ZFP1: variants seen among roughly 807,000 people sequenced by gnomAD.
The protein encoded by ZFP1 is zinc finger protein 1 homolog.
A neutral mutation model predicts 38.5 loss-of-function variants in ZFP1; 32 were observed. The ratio of observed to expected loss-of-function variants is 0.83; its 90% CI spans 0.63 to 1.12. The LOEUF (loss-of-function observed/expected upper bound fraction) is 1.12, where lower values mean the gene tolerates loss of function less well. Ranked by LOEUF, ZFP1 falls within the 50% of genes most tolerant of loss-of-function variation. The probability of loss-of-function intolerance (pLI) is 0.00; values close to 1 mark genes in which losing one functional copy is unlikely to be tolerated. For synonymous variants in ZFP1, 245 were observed against 168.8 expected (o/e 1.45, Z -3.50); for missense variants, 616 against 480.8 (o/e 1.28, Z -2.63).
intron 3 of ZFP1, among the ~76,000 whole-genome samples, chr16:75,167,392 T>G (rs2038151952): frequency 8.3e-6 from 1 of 120,336 alleles, no homozygotes; most frequent in African/African-American, 4.4e-5. Flanking sequence ...CTCTCCCTGC[T>G]TACCTTTTTT....
chr16:75,167,929 A>G (rs1175160803), intron 3 of ZFP1, among the ~76,000 whole-genome samples: 1 of 152,112 alleles, frequency 6.6e-6, no homozygotes, highest in Non-Finnish European at 1.5e-5. Flanking sequence ...ACCCCTCTCT[A>G]CTAAAAATAC....
the ZFP1 span, among the ~76,000 whole-genome samples, chr16:75,128,436 C>G: frequency 6.6e-6 from 1 of 152,296 alleles, no homozygotes; most frequent in East Asian, 1.9e-4. Context: ...TACAATAAAG[C>G]AAACCAGTCC....
intron 2 of ZFP1, among the ~76,000 whole-genome samples, chr16:75,154,011 G>C (rs997572081): frequency 2.0e-5 from 3 of 152,096 alleles, no homozygotes; most frequent in Non-Finnish European, 2.9e-5. Context: ...GTTTCTCCAA[G>C]TTCAAGACAA....
intron 1 of ZFP1, among the ~76,000 whole-genome samples, chr16:75,151,975 A>G (rs916938583): frequency 1.3e-5 from 2 of 152,142 alleles, no homozygotes; most frequent in Admixed American, 1.3e-4. Flanking sequence ...CTGAGTTAAT[A>G]GTTTTTTGCT....
chr16:75,167,239 A>T (rs985100614), intron 3 of ZFP1, among the ~76,000 whole-genome samples: 1 of 152,220 alleles, frequency 6.6e-6, no homozygotes, highest in Non-Finnish European at 1.5e-5. Flanking sequence ...AAGCCAGTGG[A>T]ATTAGTATCC....
chr16:75,137,656 C>T, the ZFP1 span, among the ~76,000 whole-genome samples: 3 of 151,592 alleles, frequency 2.0e-5, no homozygotes, highest in Non-Finnish European at 2.9e-5. Context: ...TTAGTAGAGA[C>T]GGGGTTTCAC....
intron 3 of ZFP1, among the ~76,000 whole-genome samples, chr16:75,167,219 G>A (rs1483010062): frequency 2.0e-5 from 3 of 152,180 alleles, no homozygotes; most frequent in African/African-American, 7.2e-5. Context: ...CGGGAGAGAG[G>A]GAGAAGCAGA....
chr16:75,146,090 C>T (rs559776731), upstream of ZFP1, among the ~76,000 whole-genome samples: 1 of 152,160 alleles, frequency 6.6e-6, no homozygotes, highest in Non-Finnish European at 1.5e-5. Flanking sequence ...CACGACAAGT[C>T]CCGCGAAGGG....
intron 2 of ZFP1, among the ~76,000 whole-genome samples, chr16:75,160,941 A>G (rs1444761854): frequency 1.3e-5 from 2 of 152,198 alleles, no homozygotes; most frequent in African/African-American, 2.4e-5. Context: ...CACACCTCCC[A>G]ATACTTAATT....
intron 2 of ZFP1, among the ~76,000 whole-genome samples, chr16:75,165,110 A>C (rs765965804): frequency 2.0e-5 from 3 of 151,940 alleles, no homozygotes; most frequent in African/African-American, 4.8e-5. Context: ...CGGCCTCCAT[A>C]AATCGAGTTT....
the ZFP1 span, among the ~76,000 whole-genome samples, chr16:75,141,432 C>A: frequency 1.3e-5 from 2 of 151,834 alleles, no homozygotes; most frequent in Non-Finnish European, 2.9e-5. Context: ...GTCTCGATCT[C>A]CTGAACTTGT....
the ZFP1 span, among the ~76,000 whole-genome samples, chr16:75,131,400 T>C: frequency 2.0e-5 from 3 of 152,134 alleles, no homozygotes; most frequent in East Asian, 1.9e-4. Context: ...CTCAGGACCA[T>C]CCTGGAGTGA....
chr16:75,170,193 CAGCCAGAGGTCAACTCT>C lies in ZFP1; in HGVS notation c.1084_1100del (p.Ser362Ter). On this transcript the variant is annotated frameshift_variant, in exon 4 of 4. Coordinates refer to ENST00000570010, the MANE Select transcript of ZFP1 (RefSeq NM_153688.4). LOFTEE classifies it high-confidence loss of function. ...AATGTACTGAGTGCGGCAAAACTTT[CAGCCAGAGGTCAACTCT>C]TAGATTACACTTGCGAATCCACACA... The C allele has an allele frequency of 6.2e-7, 1 of 1,614,148 alleles. No homozygotes were observed. The highest frequency in any genetic ancestry group is 8.5e-7 in the Non-Finnish European group (1 of 1,180,012).
At position 75,171,216 on chromosome 16, in the gene ZFP1, G is replaced by A. The variant is rs2038410871; in HGVS notation, c.*882G>A. 1 of 152,126 alleles carries A rather than the reference G, an allele frequency of 6.6e-6. No individual in the cohort carries two copies. Among genetic ancestry groups the A allele is most frequent in the Non-Finnish European group, 1.5e-5 (1 of 68,010 alleles). 9.4% of individuals were successfully genotyped at this position (152,126 alleles called of 1,614,324 possible). The stretch of plus-strand genomic sequence containing the variant: ...TGTGTAACACAGACAGAAACCACCT[G>A]TTTTTGTCTTTCCTTGTTTCCCTTA... On this transcript the variant is annotated 3_prime_UTR_variant, in exon 4 of 4. Coordinates refer to ENST00000570010, the MANE Select transcript of ZFP1 (RefSeq NM_153688.4).
At chr16:75,132,951 G>A in the ZFP1 span, among the ~76,000 whole-genome samples, 4,854 of 149,922 alleles carry the variant, frequency 0.032, 105 homozygotes, top group Non-Finnish European at 0.044. Flanking sequence ...GAGCCACCAC[G>A]CCCAGCCTCA....
rs1467203778 is a variant in ZFP1 at position 75,170,531 on chromosome 16, C to T, written c.*197C>T. 1.3e-6 allele frequency: 1 copy of T among 766,486 alleles called. No individual in the cohort carries two copies. The highest frequency in any genetic ancestry group is 1.7e-5 in the African/African-American group (1 of 57,440). 47.5% of individuals were successfully genotyped at this position (766,486 alleles called of 1,614,324 possible). A position where few individuals can be genotyped will look rare whatever the true frequency, so the allele number is the denominator to read the frequency against. On this transcript the variant is annotated 3_prime_UTR_variant, in exon 4 of 4. Coordinates refer to ENST00000570010, the MANE Select transcript of ZFP1 (RefSeq NM_153688.4). ...TGATACCCAGCTAAAGAATACATATCAGAATATATCCAGTTGTAAATAGCC... is the reference window on the plus strand; with the variant it reads ...TGATACCCAGCTAAAGAATACATATTAGAATATATCCAGTTGTAAATAGCC...
Position 75,170,541 on chromosome 16 carries a change from C to A in ZFP1, c.*207C>A. ...CTAAAGAATACATATCAGAATATAT[C>A]CAGTTGTAAATAGCCATACCCAGTT... On this transcript the variant is annotated 3_prime_UTR_variant, in exon 4 of 4. Transcript: ENST00000570010. 1 of 722,060 alleles carries A rather than the reference C, an allele frequency of 1.4e-6. No individual in the cohort carries two copies. The highest frequency in any genetic ancestry group is 2.0e-6 in the Non-Finnish European group (1 of 499,868). The allele number at this position is 722,060 out of a possible 1,614,324, so 44.7% of individuals were successfully genotyped here.
the ZFP1 span, among the ~76,000 whole-genome samples, chr16:75,124,915 A>G: frequency 1.3e-5 from 2 of 148,652 alleles, no homozygotes; most frequent in African/African-American, 5.0e-5. Context: ...TTCATATGAG[A>G]AAGAATTTTG....
At chr16:75,138,336 A>G in the ZFP1 span, among the ~76,000 whole-genome samples, 1 of 152,180 alleles carries the variant, frequency 6.6e-6, no homozygotes, top group Admixed American at 6.6e-5. Context: ...CGCACAGCCA[A>G]CTTCCCACTT....
Sources: allele counts gnomAD v4.1 joint callset (sites outside exome capture counted in the v4.1 genomes callset), GRCh38; gene constraint gnomAD v4.1.1; transcripts MANE v1.5; gene names NCBI Gene and HGNC (gene_info 2026-07-23, HGNC 2026-07-21).